HMG20A: variants seen among roughly 807,000 people sequenced by gnomAD.
HMG20A encodes high mobility group 20A, also known as high mobility group protein 20A.
HMG20A carries 17 observed loss-of-function variants against 43.9 expected under a neutral mutation model. That is an observed-to-expected ratio of 0.39 (90% confidence interval 0.27 to 0.58). The LOEUF (loss-of-function observed/expected upper bound fraction) is 0.58. HMG20A is among the 20% of genes least tolerant of loss of function. The pLI, the probability that HMG20A is intolerant of heterozygous loss-of-function variation, is 0.59. For synonymous variants in HMG20A, 132 were observed against 147.5 expected, an observed-to-expected ratio of 0.89 and a Z score of 0.76; for missense variants, 341 against 438.2, an observed-to-expected ratio of 0.78 and a Z score of 1.98.
chr15:77,512,599 T>C, the HMG20A span, among the ~76,000 whole-genome samples: 1 of 151,994 alleles, frequency 6.6e-6, no homozygotes, highest in African/African-American at 2.4e-5. Context: ...TTACTTAAAG[T>C]AGAATGCAAA....
At chr15:77,461,245 T>C (rs1224449038) in intron 2 of HMG20A, among the ~76,000 whole-genome samples, 2 of 152,118 alleles carry the variant, frequency 1.3e-5, no homozygotes, top group South Asian at 4.1e-4. Context: ...TAAGCACATA[T>C]CTCCTTTGAA....
chr15:77,473,087 G>T (rs17393472), intron 6 of HMG20A, among the ~76,000 whole-genome samples: 4,355 of 152,156 alleles, frequency 0.029, 97 homozygotes, highest in South Asian at 0.097. Flanking sequence ...AGGAAATGTT[G>T]GTTACCTTAA....
chr15:77,498,796 G>A, the HMG20A span, among the ~76,000 whole-genome samples: 1 of 152,130 alleles, frequency 6.6e-6, no homozygotes, highest in Non-Finnish European at 1.5e-5. Context: ...TTCCCAACTG[G>A]GCCACTTCAG....
intron 1 of HMG20A, among the ~76,000 whole-genome samples, chr15:77,437,720 C>G (rs562177667): frequency 1.3e-5 from 2 of 151,728 alleles, no homozygotes; most frequent in Non-Finnish European, 1.5e-5. Flanking sequence ...TACAGGCATG[C>G]GCCACCACAC....
rs138935656 is a variant in HMG20A at position 77,439,265 on chromosome 15, T to C, written c.-5+18261T>C. 4.2e-4 allele frequency among the ~76,000 whole-genome samples: 64 copies of C among 152,340 alleles called. 1 individual carries two copies. The East Asian group carries it at 0.012, about 29-fold the overall frequency. ...ATCTTGGAATTCTCATCTTAACCAA[T>C]GCTGCTTTTTTTCTTTTACTTTTTA... On this transcript the variant is annotated intron_variant, in intron 1 of 9. Transcript: ENST00000336216.
the HMG20A span, among the ~76,000 whole-genome samples, chr15:77,496,730 C>A: frequency 1.3e-5 from 2 of 152,130 alleles, no homozygotes; most frequent in African/African-American, 4.8e-5. Flanking sequence ...TCCCGCCAAG[C>A]GCTCCACCGA....
chr15:77,477,182 T>G (rs1035874845), intron 6 of HMG20A, among the ~76,000 whole-genome samples: 2 of 152,140 alleles, frequency 1.3e-5, no homozygotes, highest in African/African-American at 4.8e-5. Flanking sequence ...CCAACAAAAG[T>G]GACTGAAAAA....
At chr15:77,444,348 C>T (rs2073649701) in intron 1 of HMG20A, among the ~76,000 whole-genome samples, 1 of 152,134 alleles carries the variant, frequency 6.6e-6, no homozygotes, top group Non-Finnish European at 1.5e-5. Context: ...TTCTTATTCC[C>T]TGGACTTAGT....
the HMG20A span, among the ~76,000 whole-genome samples, chr15:77,490,610 C>T: frequency 1.3e-5 from 2 of 152,186 alleles, no homozygotes; most frequent in South Asian, 4.1e-4. Flanking sequence ...ATTTCTTGAG[C>T]CCAGGAGTTC....
intron 9 of HMG20A, among the ~76,000 whole-genome samples, chr15:77,481,044 C>G (rs2072902235): frequency 2.0e-5 from 3 of 152,122 alleles, no homozygotes; most frequent in Admixed American, 2.0e-4. Flanking sequence ...AGTACATGAG[C>G]ACACTCATAT....
the HMG20A span, among the ~76,000 whole-genome samples, chr15:77,501,329 C>A: frequency 6.6e-6 from 1 of 152,212 alleles, no homozygotes; most frequent in Non-Finnish European, 1.5e-5. Flanking sequence ...CTCCTGGCAA[C>A]TTCTTGAGAG....
the HMG20A span, among the ~76,000 whole-genome samples, chr15:77,498,618 C>T: frequency 6.6e-6 from 1 of 152,148 alleles, no homozygotes; most frequent in Non-Finnish European, 1.5e-5. Flanking sequence ...CCGGTTCTGC[C>T]GCTTGTTAGC....
chr15:77,426,378 TTA>T (rs1330515765), intron 1 of HMG20A, among the ~76,000 whole-genome samples: 4 of 152,208 alleles, frequency 2.6e-5, no homozygotes, highest in Non-Finnish European at 5.9e-5. Context: ...AACACATGTT[TTA>T]TATGTTACAT....
At chr15:77,478,265 G>T in intron 7 of HMG20A, 30 bp from the exon 8 acceptor site, 1 of 1,607,736 alleles carries the variant, frequency 6.2e-7, no homozygotes, top group Non-Finnish European at 8.5e-7. Flanking sequence ...TTCTAGTGCT[G>T]CATGTGTTCT....
chr15:77,426,445 A>G, intron 1 of HMG20A, among the ~76,000 whole-genome samples: 1 of 152,184 alleles, frequency 6.6e-6, no homozygotes, highest in East Asian at 1.9e-4. Context: ...TTACTAAGAA[A>G]ATGATAAGGA....
intron 1 of HMG20A, among the ~76,000 whole-genome samples, chr15:77,454,590 A>G (rs1278611801): frequency 6.6e-6 from 1 of 152,206 alleles, no homozygotes; most frequent in African/African-American, 2.4e-5. Flanking sequence ...ATTGGATACC[A>G]TACATTTATA....
At chr15:77,442,014 A>C (rs924631006) in intron 1 of HMG20A, among the ~76,000 whole-genome samples, 3 of 152,198 alleles carry the variant, frequency 2.0e-5, no homozygotes, top group Non-Finnish European at 2.9e-5. Context: ...TGAATCAAAC[A>C]CATTACATTT....
the HMG20A span, among the ~76,000 whole-genome samples, chr15:77,499,806 A>G: frequency 2.6e-5 from 4 of 151,734 alleles, no homozygotes; most frequent in Non-Finnish European, 5.9e-5. Context: ...AAAATGCAAG[A>G]TTAGTCTTGC....
chr15:77,470,239 T>A (rs1384896058), intron 4 of HMG20A, among the ~76,000 whole-genome samples: 1 of 152,192 alleles, frequency 6.6e-6, no homozygotes, highest in African/African-American at 2.4e-5. Context: ...TTCATTTTGA[T>A]GAATGAAAAG....
Sources: allele counts gnomAD v4.1 joint callset (sites outside exome capture counted in the v4.1 genomes callset), GRCh38; gene constraint gnomAD v4.1.1; transcripts MANE v1.5; gene names NCBI Gene and HGNC (gene_info 2026-07-23, HGNC 2026-07-21).